Variants in MXRA7 observed in about 807,000 individuals in gnomAD.
MXRA7 encodes matrix-remodeling-associated protein 7.
MXRA7 carries 18 observed loss-of-function variants against 17.4 expected under a neutral mutation model. The ratio of observed to expected loss-of-function variants is 1.03; its 90% CI spans 0.71 to 1.53. MXRA7 has a LOEUF of 1.53. Among genes scored for constraint, MXRA7 ranks in the 40% most tolerant of loss-of-function variants. The pLI is 0.00. For synonymous variants in MXRA7, 70 were observed against 101.7 expected, an observed-to-expected ratio of 0.69 and a Z score of 1.87; for missense variants, 141 against 209.3, an observed-to-expected ratio of 0.67 and a Z score of 2.01.
At chr17:76,677,779 C>A, downstream of MXRA7, 1 of 1,016,384 alleles carries the variant, frequency 9.8e-7, no homozygotes, top group Admixed American at 1.7e-5. Flanking sequence ...GTGCAGCCGG[C>A]GGAGTTGGGA....
intron 1 of MXRA7, among the ~76,000 whole-genome samples, chr17:76,692,855 G>A (rs544194179): frequency 6.6e-6 from 1 of 152,084 alleles, no homozygotes; most frequent in Non-Finnish European, 1.5e-5. Flanking sequence ...TCGACTGTTG[G>A]TCAGTGACGG....
intron 1 of MXRA7, among the ~76,000 whole-genome samples, chr17:76,709,123 C>G (rs1182446796): frequency 6.6e-6 from 1 of 152,146 alleles, no homozygotes; most frequent in Non-Finnish European, 1.5e-5. Context: ...TAAGACAGGG[C>G]GCCGCTAAAG....
intron 1 of MXRA7, among the ~76,000 whole-genome samples, chr17:76,695,085 G>A (rs1040103905): frequency 2.6e-5 from 4 of 152,064 alleles, no homozygotes; most frequent in African/African-American, 7.2e-5. Context: ...GCTTGAACCC[G>A]GGAGGTGGGG....
At chr17:76,690,539 G>A (rs770975183) in intron 1 of MXRA7, among the ~76,000 whole-genome samples, 4 of 151,890 alleles carry the variant, frequency 2.6e-5, no homozygotes, top group Admixed American at 6.6e-5. Flanking sequence ...TGCACACCTC[G>A]CCTCTACTGA....
At chr17:76,685,045 G>C (rs1270697883) in intron 3 of MXRA7, 27 bp downstream of exon 3, 1 of 1,599,862 alleles carries the variant, frequency 6.3e-7, no homozygotes, top group South Asian at 1.1e-5. Flanking sequence ...GAGCCCGCCA[G>C]GCGCCAGCGA....
At chr17:76,688,612 A>T in intron 1 of MXRA7, 1 of 1,248,760 alleles carries the variant, frequency 8.0e-7, no homozygotes, top group Non-Finnish European at 1.0e-6. Context: ...GCTTCCTTCT[A>T]TGTTGTTTTC....
In MXRA7 at chr17:76,692,806, T is replaced by C. The variant is rs7212315; in HGVS notation, c.343-4630A>G. ...TCTTACAGTACCCCCTCTAGTGCTATACATGGCTCTAGTTGTTCAAACTTC... is the reference window on the plus strand; with the variant it reads ...TCTTACAGTACCCCCTCTAGTGCTACACATGGCTCTAGTTGTTCAAACTTC... On this transcript the variant is annotated intron_variant, in intron 1 of 3. Coordinates refer to ENST00000449428, the MANE Select transcript of MXRA7 (RefSeq NM_198530.4). 9.0e-3 allele frequency among the ~76,000 whole-genome samples: 1,373 copies of C among 152,318 alleles called. 29 individuals are homozygous for C. The highest frequency in any genetic ancestry group is 0.032 in the African/African-American group (1,323 of 41,568).
At chr17:76,708,792 G>A (rs184892621) in intron 1 of MXRA7, among the ~76,000 whole-genome samples, 1 of 152,110 alleles carries the variant, frequency 6.6e-6, no homozygotes, top group Non-Finnish European at 1.5e-5. Flanking sequence ...AACCCAAAGG[G>A]GAAGGGCACT....
chr17:76,687,281 G>C (rs1186786094), intron 2 of MXRA7, among the ~76,000 whole-genome samples: 1 of 152,242 alleles, frequency 6.6e-6, no homozygotes, highest in East Asian at 1.9e-4. Flanking sequence ...CTCAGGGGAA[G>C]CTCTGCACCC....
intron 1 of MXRA7, among the ~76,000 whole-genome samples, chr17:76,705,951 T>C (rs546281377): frequency 6.6e-6 from 1 of 152,272 alleles, no homozygotes; most frequent in Admixed American, 6.5e-5. Context: ...GAGATTTTGC[T>C]AAGAGAACAG....
chr17:76,685,670 C>T (rs2076385477), intron 2 of MXRA7, among the ~76,000 whole-genome samples: 1 of 152,250 alleles, frequency 6.6e-6, no homozygotes, highest in Non-Finnish European at 1.5e-5. Flanking sequence ...GACGTGTGTA[C>T]CGCTGAAGAG....
intron 3 of MXRA7, among the ~76,000 whole-genome samples, chr17:76,682,055 C>A (rs2073829337): frequency 6.6e-6 from 1 of 152,208 alleles, no homozygotes. Context: ...GACCTGACCG[C>A]TTTCTGGCCC....
chr17:76,683,374 G>A (rs1188896225), intron 3 of MXRA7, among the ~76,000 whole-genome samples: 1 of 152,196 alleles, frequency 6.6e-6, no homozygotes, highest in African/African-American at 2.4e-5. Context: ...TGGCCCGGCC[G>A]TTGTCTGCTA....
intron 3 of MXRA7, chr17:76,683,996 C>G: frequency 8.2e-7 from 1 of 1,216,176 alleles, no homozygotes; most frequent in Non-Finnish European, 1.2e-6. Context: ...GGACTCGGGG[C>G]TCCTGCCAGG....
chr17:76,685,031 C>T (rs556695774), intron 3 of MXRA7, 41 bp downstream of exon 3: 1 of 1,572,320 alleles, frequency 6.4e-7, no homozygotes, highest in Admixed American at 1.7e-5. Flanking sequence ...CCCCCCTCCC[C>T]CAAGAGCCCG....
intron 1 of MXRA7, among the ~76,000 whole-genome samples, chr17:76,702,868 T>C (rs1424292375): frequency 6.7e-6 from 1 of 148,380 alleles, no homozygotes; most frequent in South Asian, 2.1e-4. Flanking sequence ...AATATATATA[T>C]ATACGTATAT....
chr17:76,708,643 A>G, intron 1 of MXRA7, among the ~76,000 whole-genome samples: 1 of 152,090 alleles, frequency 6.6e-6, no homozygotes, highest in Non-Finnish European at 1.5e-5. Flanking sequence ...GACAATTTCT[A>G]AGCAGCTTCT....
intron 1 of MXRA7, chr17:76,709,548 C>T (rs1022059923): frequency 6.5e-6 from 1 of 152,824 alleles, no homozygotes; most frequent in Non-Finnish European, 1.5e-5. Flanking sequence ...CCTCCTCCCC[C>T]GAAGGGCTTC....
chr17:76,686,123 C>A (rs1305969172), intron 2 of MXRA7, among the ~76,000 whole-genome samples: 2 of 152,144 alleles, frequency 1.3e-5, no homozygotes, highest in Admixed American at 6.6e-5. Flanking sequence ...CTGATGTGGA[C>A]CGATGGGGAG....
Sources: gnomAD v4.1 joint callset for allele counts (sites outside exome capture counted in the v4.1 genomes callset) on GRCh38, gnomAD v4.1.1 for gene constraint, MANE v1.5 for transcripts, NCBI Gene and HGNC (gene_info 2026-07-23, HGNC 2026-07-21) for gene names.